Variants in OR2G2 observed in about 807,000 individuals in gnomAD.
OR2G2 encodes olfactory receptor 2G2.
For missense variants in OR2G2, 460 were observed against 389.7 expected (o/e 1.18, Z -1.52); for synonymous variants, 176 against 152.4 (o/e 1.16, Z -1.14).
At position 247,588,978 on chromosome 1, in the gene OR2G2, A is replaced by G. The variant is rs1360427536; in HGVS notation, c.619A>G (p.Ile207Val). 2 of 1,614,202 alleles carry G rather than the reference A, an allele frequency of 1.2e-6. No individual in the cohort carries two copies. The highest frequency in any genetic ancestry group is 1.3e-5 in the African/African-American group (1 of 75,060). Residue 207 changes from isoleucine (I) to valine (V), a missense_variant, in exon 1 of 1, where the codon ATC becomes GTC. Physicochemically the swap from Ile to Val is conservative, Grantham distance 29. Transcript: ENST00000320065. Reference sequence around the variant, plus strand: ...CGAGGCTGAGCTTTTTGTGGCTAGTATCCTTTTCCTTATAGTGCCTGTCTC... The same window carrying G: ...CGAGGCTGAGCTTTTTGTGGCTAGTGTCCTTTTCCTTATAGTGCCTGTCTC... ...FNEAELFVASILFLIVPVSFI... is the reference protein window; with the variant it reads ...FNEAELFVASVLFLIVPVSFI...
Position 247,588,499 on chromosome 1 carries a change from C to T in OR2G2, c.140C>T (p.Thr47Ile). 2 of 1,614,090 alleles carry T rather than the reference C, an allele frequency of 1.2e-6. No individual in the cohort carries two copies. The highest frequency in any genetic ancestry group is 8.5e-7 in the Non-Finnish European group (1 of 1,179,940). ...TTACTAACTATTTTGGGGAATACCA[C>T]CATCATTCTGGTTTCTCGTCTGGAA... is the stretch of plus-strand genomic sequence containing the variant. Reference protein sequence around the residue: ...LYLLTILGNTTIILVSRLEPK... With the variant: ...LYLLTILGNTIIILVSRLEPK... The change falls in exon 1 of 1, where the codon ACC (threonine) becomes ATC (isoleucine). Residue 47 changes from threonine (T) to isoleucine (I), a missense_variant. Transcript: ENST00000320065.
Position 247,588,484 on chromosome 1 carries a change from T to C in OR2G2, c.125T>C (p.Ile42Thr), listed in dbSNP as rs1446356953. ...VLILILYLLT[I>T]LGNTTIILVS... ...ATATTGATTCTGTATTTACTAACTA[T>C]TTTGGGGAATACCACCATCATTCTG... Residue 42 changes from isoleucine (I) to threonine (T), a missense_variant, in exon 1 of 1, where the codon ATT (isoleucine) becomes ACT (threonine). Transcript: ENST00000320065. 2 of 1,613,958 alleles carry C rather than the reference T, an allele frequency of 1.2e-6. No individual in the cohort carries two copies. The highest frequency in any genetic ancestry group is 1.7e-6 in the Non-Finnish European group (2 of 1,179,796).
chr1:247,589,038 G>C lies in OR2G2; in HGVS notation c.679G>C (p.Ala227Pro). The change falls in exon 1 of 1, where the codon GCA becomes CCA. Residue 227 changes from alanine (A) to proline (P), a missense_variant. Coordinates refer to ENST00000320065, the MANE Select transcript of OR2G2 (RefSeq NM_001001915.1). ...GGTCTCCTCTGGCTACATTGCCCAC[G>C]CAGTGTTGAGGATTAAGTCAGCTAC... ...ILVSSGYIAH[A>P]VLRIKSATRR... is the part of the protein sequence containing the mutation. The C allele has an allele frequency of 6.2e-7, 1 of 1,614,160 alleles. No individual in the cohort carries two copies. Among genetic ancestry groups the C allele is most frequent in the Middle Eastern group, 1.7e-4 (1 of 6,060 alleles).
In OR2G2 at chr1:247,588,995, G is replaced by T; in HGVS notation, c.636G>T (p.Val212=). Residue 212 remains valine (V), a synonymous_variant, in exon 1 of 1, where the codon GTG becomes GTT. Coordinates refer to ENST00000320065, the MANE Select transcript of OR2G2 (RefSeq NM_001001915.1). ...LFVASILFLI[V]PVSFILVSSG... is the part of the protein sequence containing the mutation. ...TGGCTAGTATCCTTTTCCTTATAGT[G>T]CCTGTCTCATTCATCCTGGTCTCCT... The T allele has an allele frequency of 6.2e-7, 1 of 1,614,176 alleles. No individual in the cohort carries two copies.
chr1:247,589,264 G>T lies in OR2G2; in HGVS notation c.905G>T (p.Gly302Val). 1 of 1,608,660 alleles carries T rather than the reference G, an allele frequency of 6.2e-7. No individual in the cohort carries two copies. The highest frequency in any genetic ancestry group is 8.5e-7 in the Non-Finnish European group (1 of 1,177,696). ...IYTLRIKEVKGALKKVLAKAL... is the reference protein window; with the variant it reads ...IYTLRIKEVKVALKKVLAKAL... ...ACCTTGAGGATCAAGGAGGTGAAAG[G>T]GGCATTAAAGAAAGTTCTAGCAAAG... is the stretch of plus-strand genomic sequence containing the variant. Residue 302 changes from glycine (G) to valine (V), a missense_variant, in exon 1 of 1, where the codon GGG becomes GTG. Physicochemically the swap from Gly to Val is moderately radical, Grantham distance 109. Coordinates refer to ENST00000320065, the MANE Select transcript of OR2G2 (RefSeq NM_001001915.1).
Position 247,588,530 on chromosome 1 carries a change from G to A in OR2G2, c.171G>A (p.Lys57=). The change falls in exon 1 of 1, where the codon AAG becomes AAA. Residue 57 remains lysine (K), a synonymous_variant. Transcript: ENST00000320065. ...TIILVSRLEP[K]LHMPMYFFLS... is the part of the protein sequence containing the mutation. ...TTCTGGTTTCTCGTCTGGAACCCAA[G>A]CTTCATATGCCGATGTATTTCTTCC... is the stretch of plus-strand genomic sequence containing the variant. The A allele has an allele frequency of 6.2e-7, 1 of 1,614,210 alleles. No individual in the cohort carries two copies. The highest frequency in any genetic ancestry group is 1.1e-5 in the South Asian group (1 of 91,080).
rs139978852 is a variant in OR2G2 at position 247,589,084 on chromosome 1, G to A, written c.725G>A (p.Gly242Glu). ...KSATRRQKAF[G>E]TCFSHLTVVT... ...GCTACCAGGAGACAGAAAGCATTCG[G>A]GACCTGCTTCTCCCACCTGACAGTG... Residue 242 changes from glycine (G) to glutamate (E), a missense_variant, in exon 1 of 1, where the codon GGG becomes GAG. Physicochemically the swap from Gly to Glu is moderately conservative, Grantham distance 98 (BLOSUM62 -2). Transcript: ENST00000320065. 1,125 of 1,614,140 alleles carry A rather than the reference G, an allele frequency of 7.0e-4. 8 individuals are homozygous for A. In the African/African-American group the frequency reaches 0.013, roughly 19 times the overall value.
chr1:247,589,153 C>T lies in OR2G2; in HGVS notation c.794C>T (p.Pro265Leu). 6.2e-7 allele frequency: 1 copy of T among 1,614,188 alleles called. No individual in the cohort carries two copies. The highest frequency in any genetic ancestry group is 1.1e-5 in the South Asian group (1 of 91,084). Residue 265 changes from proline to leucine, a missense_variant, in exon 1 of 1, where the codon CCA becomes CTA. Transcript: ENST00000320065. ...ACCATCATCTTCATGTATCTGCAGC[C>T]AGCCAAGAGTAGATCCAGGGACCAG... ...YGTIIFMYLQPAKSRSRDQGK... is the reference protein window; with the variant it reads ...YGTIIFMYLQLAKSRSRDQGK...
chr1:247,589,040 A>T lies in OR2G2; in HGVS notation c.681A>T (p.Ala227=), dbSNP rs755401281. The T allele has an allele frequency of 2.5e-6, 4 of 1,614,186 alleles. No individual in the cohort carries two copies. The South Asian group carries it at 4.4e-5, about 18-fold the overall frequency. ...TCTCCTCTGGCTACATTGCCCACGC[A>T]GTGTTGAGGATTAAGTCAGCTACCA... The part of the protein sequence containing the change: ...ILVSSGYIAH[A]VLRIKSATRR... Residue 227 remains alanine, a synonymous_variant, in exon 1 of 1, where the codon GCA becomes GCT. Transcript: ENST00000320065.
Position 247,589,246 on chromosome 1 carries a change from G to A in OR2G2, c.887G>A (p.Arg296Lys), listed in dbSNP as rs1211845742. 5 of 1,613,228 alleles carry A rather than the reference G, an allele frequency of 3.1e-6. No homozygotes were observed. The highest frequency in any genetic ancestry group is 4.2e-6 in the Non-Finnish European group (5 of 1,179,680). The change falls in exon 1 of 1, where the codon AGG (arginine) becomes AAG (lysine). Residue 296 changes from arginine (R) to lysine (K), a missense_variant. By Grantham distance (26) the Arg-to-Lys change is conservative. Coordinates refer to ENST00000320065, the MANE Select transcript of OR2G2 (RefSeq NM_001001915.1). Reference sequence around the variant, plus strand: ...CTTAACCCTCTTATTTATACCTTGAGGATCAAGGAGGTGAAAGGGGCATTA... The same window carrying A: ...CTTAACCCTCTTATTTATACCTTGAAGATCAAGGAGGTGAAAGGGGCATTA... ...RMLNPLIYTL[R>K]IKEVKGALKK...
rs2103097706 is a variant in OR2G2 at position 247,588,660 on chromosome 1, T to G, written c.301T>G (p.Leu101Val). The G allele has an allele frequency of 6.2e-7, 1 of 1,614,222 alleles. No homozygotes were observed. The highest frequency in any genetic ancestry group is 1.7e-5 in the Admixed American group (1 of 60,024). ...GAAAACTATCGCCTATGGTGGCTGT[T>G]TGGTTCACCTTTACAACTCCCATGC... Reference protein sequence around the residue: ...PMKTIAYGGCLVHLYNSHALG... With the variant: ...PMKTIAYGGCVVHLYNSHALG... Residue 101 changes from leucine (L) to valine (V), a missense_variant, in exon 1 of 1, where the codon TTG becomes GTG. Leu to Val is a conservative substitution (Grantham distance 32). Transcript: ENST00000320065.
rs776452942 is a variant in OR2G2 at position 247,589,071 on chromosome 1, C to G, written c.712C>G (p.Gln238Glu). 4 of 1,614,188 alleles carry G rather than the reference C, an allele frequency of 2.5e-6. No homozygotes were observed. The East Asian group carries it at 8.9e-5, about 36-fold the overall frequency. Reference protein sequence around the residue: ...VLRIKSATRRQKAFGTCFSHL... With the variant: ...VLRIKSATRREKAFGTCFSHL... The stretch of plus-strand genomic sequence containing the variant: ...GAGGATTAAGTCAGCTACCAGGAGA[C>G]AGAAAGCATTCGGGACCTGCTTCTC... The change falls in exon 1 of 1, where the codon CAG (glutamine) becomes GAG (glutamate). Residue 238 changes from glutamine to glutamate, a missense_variant. Gln to Glu is a conservative substitution (Grantham distance 29). Coordinates refer to ENST00000320065, the MANE Select transcript of OR2G2 (RefSeq NM_001001915.1).
At position 247,588,981 on chromosome 1, in the gene OR2G2, C is replaced by A. The variant is rs145391203; in HGVS notation, c.622C>A (p.Leu208Ile). 6.2e-7 allele frequency: 1 copy of A among 1,614,116 alleles called. No individual in the cohort carries two copies. Among genetic ancestry groups the A allele is most frequent in the Non-Finnish European group, 8.5e-7 (1 of 1,180,050 alleles). Residue 208 changes from leucine to isoleucine, a missense_variant, in exon 1 of 1, where the codon CTT (leucine) becomes ATT (isoleucine). Coordinates refer to ENST00000320065, the MANE Select transcript of OR2G2 (RefSeq NM_001001915.1). ...NEAELFVASI[L>I]FLIVPVSFIL... is the part of the protein sequence containing the mutation. ...GGCTGAGCTTTTTGTGGCTAGTATC[C>A]TTTTCCTTATAGTGCCTGTCTCATT...
At position 247,588,676 on chromosome 1, in the gene OR2G2, A is replaced by G. The variant is rs1669076264; in HGVS notation, c.317A>G (p.Asn106Ser). Residue 106 changes from asparagine to serine, a missense_variant, in exon 1 of 1, where the codon AAC (asparagine) becomes AGC (serine). Asn to Ser is a conservative substitution (Grantham distance 46). Coordinates refer to ENST00000320065, the MANE Select transcript of OR2G2 (RefSeq NM_001001915.1). ...AYGGCLVHLY[N>S]SHALGSTECV... Reference sequence around the variant, plus strand: ...GGTGGCTGTTTGGTTCACCTTTACAACTCCCATGCCCTGGGATCCACTGAG... The same window carrying G: ...GGTGGCTGTTTGGTTCACCTTTACAGCTCCCATGCCCTGGGATCCACTGAG... 9 of 1,613,794 alleles carry G rather than the reference A, an allele frequency of 5.6e-6. No homozygotes were observed. The highest frequency in any genetic ancestry group is 6.8e-6 in the Non-Finnish European group (8 of 1,179,950).
rs376268573 is a variant in OR2G2 at position 247,588,432 on chromosome 1, C to T, written c.73C>T (p.Gln25Ter). ...FILLGFSDYP[Q>*]LQKVLFVLIL... ...CCTTTTAGGGTTTTCTGATTATCCT[C>T]AGTTACAGAAGGTTCTATTTGTGCT... is the stretch of plus-strand genomic sequence containing the variant. The change falls in exon 1 of 1, where the codon CAG becomes TAG. Residue 25 changes from glutamine (Q) to a stop codon, truncating the protein, a stop_gained. Transcript: ENST00000320065. LOFTEE classifies it low-confidence loss of function (END_TRUNC). The T allele has an allele frequency of 5.0e-6, 8 of 1,613,916 alleles. No homozygotes were observed. Among genetic ancestry groups the T allele is most frequent in the South Asian group, 2.2e-5 (2 of 91,074 alleles).
In OR2G2 at chr1:247,588,575, G is replaced by T; in HGVS notation, c.216G>T (p.Leu72=). The T allele has an allele frequency of 1.9e-6, 3 of 1,614,074 alleles. No individual in the cohort carries two copies. The highest frequency in any genetic ancestry group is 2.5e-6 in the Non-Finnish European group (3 of 1,180,016). The change falls in exon 1 of 1, where the codon CTG becomes CTT. Residue 72 remains leucine, a synonymous_variant. Transcript: ENST00000320065. ...TCTTCCTTTCTCATCTCTCCTTCCT[G>T]TACCGCTGCTTCACCAGCAGTGTTA... ...MYFFLSHLSF[L]YRCFTSSVIP...
chr1:247,588,408 C>T lies in OR2G2; in HGVS notation c.49C>T (p.Leu17Phe), dbSNP rs1325835339. Residue 17 changes from leucine (L) to phenylalanine (F), a missense_variant, in exon 1 of 1, where the codon CTT becomes TTT. Transcript: ENST00000320065. ...TGAGAGCAACCTAGCAGGTTTCATC[C>T]TTTTAGGGTTTTCTGATTATCCTCA... ...TNESNLAGFI[L>F]LGFSDYPQLQ... The T allele has an allele frequency of 2.5e-6, 4 of 1,613,554 alleles. No individual in the cohort carries two copies. Among genetic ancestry groups the T allele is most frequent in the South Asian group, 1.1e-5 (1 of 91,026 alleles).
In OR2G2 at chr1:247,588,947, G is replaced by A. The variant is rs369019995; in HGVS notation, c.588G>A (p.Thr196=). Residue 196 remains threonine, a synonymous_variant, in exon 1 of 1, where the codon ACG becomes ACA. Coordinates refer to ENST00000320065, the MANE Select transcript of OR2G2 (RefSeq NM_001001915.1). ...VLIKLACVGT[T]FNEAELFVAS... ...TCAAGCTGGCTTGTGTGGGCACCAC[G>A]TTTAACGAGGCTGAGCTTTTTGTGG... is the stretch of plus-strand genomic sequence containing the variant. The A allele has an allele frequency of 5.0e-6, 8 of 1,614,210 alleles. No individual in the cohort carries two copies. The highest frequency in any genetic ancestry group is 5.9e-6 in the Non-Finnish European group (7 of 1,180,036).
Position 247,588,869 on chromosome 1 carries a change from C to T in OR2G2, c.510C>T (p.Pro170=), listed in dbSNP as rs770365887. The change falls in exon 1 of 1, where the codon CCC becomes CCT. Residue 170 remains proline (P), a synonymous_variant. Transcript: ENST00000320065. ...LVQSTLTLQL[P]FCGHRQVDHF... ...AGTCCACCCTCACCCTGCAGCTGCC[C>T]TTCTGTGGGCATCGCCAAGTGGATC... 6.2e-7 allele frequency: 1 copy of T among 1,614,224 alleles called. No homozygotes were observed. The highest frequency in any genetic ancestry group is 2.2e-5 in the East Asian group (1 of 44,888).
Sources: gnomAD v4.1 joint callset for allele counts on GRCh38, gnomAD v4.1.1 for gene constraint, MANE v1.5 for transcripts, NCBI Gene and HGNC (gene_info 2026-07-23, HGNC 2026-07-21) for gene names.